The following F13B variants were observed in gnomAD, a reference collection of about 807,000 sequenced individuals.
F13B encodes the protein TGase.
F13B carries 58 observed loss-of-function variants against 79.8 expected under a neutral mutation model. The ratio of observed to expected loss-of-function variants is 0.73; its 90% CI spans 0.59 to 0.90. The LOEUF is 0.90. F13B is among the 40% of genes least tolerant of loss of function. The probability of loss-of-function intolerance (pLI) is 0.00; values close to 1 mark genes in which losing one functional copy is unlikely to be tolerated. For synonymous variants in F13B, 283 were observed against 260.3 expected (o/e 1.09, Z -0.84); for missense variants, 773 against 777.0 (o/e 0.99, Z 0.06).
chr1:197,055,963 A>C, intron 7 of F13B, 66 bp from the exon 8 acceptor site: 4 of 1,261,270 alleles, frequency 3.2e-6, no homozygotes, highest in Non-Finnish European at 3.4e-6. Context: ...AACTCATACT[A>C]TAGTGTCTCG....
At position 197,057,300 on chromosome 1, in the gene F13B, G is replaced by T. The variant is rs1486003680; in HGVS notation, c.971C>A (p.Pro324His). Reference sequence around the variant, plus strand: ...GTGTTACTAACCAATGCATTTTGGAGGTTCTGTCCATTTTCCATCTTCACA... The same window carrying T: ...GTGTTACTAACCAATGCATTTTGGATGTTCTGTCCATTTTCCATCTTCACA... The part of the protein sequence containing the change: ...IRCEDGKWTE[P>H]PKCIEGQEKV... Residue 324 changes from proline (P) to histidine (H), a missense_variant, in exon 6 of 12, where the codon CCT (proline) becomes CAT (histidine). Coordinates refer to ENST00000367412, the MANE Select transcript of F13B (RefSeq NM_001994.3). 1 of 1,613,898 alleles carries T rather than the reference G, an allele frequency of 6.2e-7. No homozygotes were observed. The highest frequency in any genetic ancestry group is 8.5e-7 in the Non-Finnish European group (1 of 1,179,922).
At chr1:197,041,415 TA>T (rs1266827313) in intron 10 of F13B, among the ~76,000 whole-genome samples, 1 of 152,146 alleles carries the variant, frequency 6.6e-6, no homozygotes, top group African/African-American at 2.4e-5. Context: ...TTTTACAGAA[TA>T]AAAACATTAA....
intron 9 of F13B, among the ~76,000 whole-genome samples, chr1:197,052,179 T>A (rs1329001008): frequency 6.6e-6 from 1 of 152,160 alleles, no homozygotes; most frequent in African/African-American, 2.4e-5. Context: ...AAATCTTTAA[T>A]CCATCTTGAG....
At chr1:197,057,918 T>C (rs1655707063) in intron 5 of F13B, among the ~76,000 whole-genome samples, 2 of 152,142 alleles carry the variant, frequency 1.3e-5, no homozygotes, top group Admixed American at 1.3e-4. Flanking sequence ...ATGCTGCCAA[T>C]AACTACAGTG....
chr1:197,047,981 G>A lies in F13B; in HGVS notation c.1738+2716C>T, dbSNP rs189723017. Among the ~76,000 whole-genome samples, 110 of 152,090 alleles carry A rather than the reference G, an allele frequency of 7.2e-4. 1 individual carries two copies. Among genetic ancestry groups the A allele is most frequent in the Admixed American group, 6.0e-3 (92 of 15,268 alleles). On this transcript the variant is annotated intron_variant, in intron 10 of 11. Transcript: ENST00000367412. ...CAGGGCAGGGAATATCAAACACCAG[G>A]GCCTGTCTGTGGGGGTCTGGGGGAG... is the stretch of plus-strand genomic sequence containing the variant.
intron 4 of F13B, 42 bp from the exon 5 acceptor site, chr1:197,060,584 T>C (rs1295900893): frequency 1.3e-5 from 18 of 1,391,414 alleles, no homozygotes; most frequent in East Asian, 6.9e-5. Context: ...CAAATGTTTA[T>C]TTTTTCTGCT....
chr1:197,064,030 A>G (rs111910593), intron 1 of F13B, among the ~76,000 whole-genome samples: 1 of 152,150 alleles, frequency 6.6e-6, no homozygotes, highest in African/African-American at 2.4e-5. Flanking sequence ...TTGGCAAAAT[A>G]GGATATTTAA....
chr1:197,044,068 T>TAG (rs1436341522), intron 10 of F13B, among the ~76,000 whole-genome samples: 24 of 150,694 alleles, frequency 1.6e-4, no homozygotes, highest in Non-Finnish European at 3.0e-4. Context: ...TATATATATA[T>TAG]AGAGAGAGAG....
At chr1:197,054,868 A>G (rs1186867581) in intron 8 of F13B, among the ~76,000 whole-genome samples, 1 of 152,034 alleles carries the variant, frequency 6.6e-6, no homozygotes, top group African/African-American at 2.4e-5. Flanking sequence ...TAGAAAAAGA[A>G]TTAAAATTCC....
intron 10 of F13B, among the ~76,000 whole-genome samples, chr1:197,041,422 A>T (rs1655033797): frequency 6.6e-6 from 1 of 152,204 alleles, no homozygotes; most frequent in African/African-American, 2.4e-5. Flanking sequence ...GAATAAAAAC[A>T]TTAATATTTC....
chr1:197,059,536 C>G (rs181440711), intron 5 of F13B, among the ~76,000 whole-genome samples: 2 of 152,168 alleles, frequency 1.3e-5, no homozygotes, highest in East Asian at 3.9e-4. Flanking sequence ...ACTATCAAAC[C>G]CTTTGCCTCA....
intron 10 of F13B, among the ~76,000 whole-genome samples, chr1:197,046,559 T>C (rs76066463): frequency 6.6e-6 from 1 of 152,166 alleles, no homozygotes; most frequent in Non-Finnish European, 1.5e-5. Context: ...ATAGGAAGAA[T>C]CAATATCGTG....
chr1:197,052,131 T>C (rs545875742), intron 9 of F13B, among the ~76,000 whole-genome samples: 2 of 152,326 alleles, frequency 1.3e-5, no homozygotes, highest in South Asian at 4.1e-4. Flanking sequence ...TGCCTAGGTT[T>C]TCTTCTAGAG....
rs17514232 is a variant in F13B at position 197,062,288 on chromosome 1, T to G, written c.266-319A>C. Reference sequence around the variant, plus strand: ...GCCCCTTACTCTGGGTCACCTGCCCTAGTGGAAGATCATTGATAGTTTGAT... The same window carrying G: ...GCCCCTTACTCTGGGTCACCTGCCCGAGTGGAAGATCATTGATAGTTTGAT... On this transcript the variant is annotated intron_variant, in intron 2 of 11. Transcript: ENST00000367412. Among the ~76,000 whole-genome samples the G allele has an allele frequency of 5.5e-4, 84 of 152,258 alleles. 1 individual carries two copies. The highest frequency in any genetic ancestry group is 5.9e-4 in the Non-Finnish European group (40 of 68,012).
At chr1:197,049,634 A>G (rs943296799) in intron 10 of F13B, among the ~76,000 whole-genome samples, 1 of 152,098 alleles carries the variant, frequency 6.6e-6, no homozygotes, top group African/African-American at 2.4e-5. Flanking sequence ...AACTCTTAAA[A>G]TTATAAAGGA....
At chr1:197,040,055 T>C (rs957955094) in intron 11 of F13B, 1 of 154,698 alleles carries the variant, frequency 6.5e-6, no homozygotes, top group Non-Finnish European at 1.4e-5. Flanking sequence ...AGAGGATATA[T>C]TTTTTAAACT....
intron 5 of F13B, among the ~76,000 whole-genome samples, chr1:197,058,682 A>AT (rs1211908976): frequency 1.3e-5 from 2 of 152,304 alleles, no homozygotes; most frequent in African/African-American, 2.4e-5. Flanking sequence ...ATAGTTCCAG[A>AT]TAATATTCCT....
At position 197,062,965 on chromosome 1, in the gene F13B, T is replaced by C. The variant is rs200113225; in HGVS notation, c.157A>G (p.Lys53Glu). ...GCCAAGCAGAAAAATGACAATTTTT[T>C]GTCTATGCTCATTGGAAAGTAAAAG... ...KSFYFPMSID[K>E]KLSFFCLAGY... The change falls in exon 2 of 12, where the codon AAA becomes GAA. Residue 53 changes from lysine (K) to glutamate (E), a missense_variant. Transcript: ENST00000367412. 6 of 1,613,868 alleles carry C rather than the reference T, an allele frequency of 3.7e-6. 1 individual carries two copies. In the East Asian group the frequency reaches 8.9e-5, roughly 24 times the overall value.
At chr1:197,063,213 A>G (rs1277732186) in intron 1 of F13B, among the ~76,000 whole-genome samples, 156 bp from the exon 2 acceptor site, 1 of 152,190 alleles carries the variant, frequency 6.6e-6, no homozygotes, top group Non-Finnish European at 1.5e-5. Flanking sequence ...TGACAACTCA[A>G]GCAGTCCTTT....
Sources: gnomAD v4.1 joint callset for allele counts (sites outside exome capture counted in the v4.1 genomes callset) on GRCh38, gnomAD v4.1.1 for gene constraint, MANE v1.5 for transcripts, NCBI Gene and HGNC (gene_info 2026-07-23, HGNC 2026-07-21) for gene names.